RNF128: variants seen among roughly 807,000 people sequenced by gnomAD.
RNF128 encodes ring finger protein 128.
RNF128 carries 13 observed loss-of-function variants against 26.2 expected under a neutral mutation model. The observed-to-expected ratio is 0.50, with a 90% confidence interval of 0.32 to 0.79. The LOEUF is 0.79. RNF128 is among the 30% of genes least tolerant of loss of function. The probability of loss-of-function intolerance (pLI) is 0.03; values close to 1 mark genes in which losing one functional copy is unlikely to be tolerated. For missense variants in RNF128, 315 were observed against 349.7 expected, an observed-to-expected ratio of 0.90 and a Z score of 0.79; for synonymous variants, 149 against 142.5, an observed-to-expected ratio of 1.05 and a Z score of -0.32.
intron 1 of RNF128, among the ~76,000 whole-genome samples, chrX:106,715,895 A>G (rs1929208294): frequency 9.0e-6 from 1 of 111,412 alleles, no homozygotes. Context: ...GATTGAATAA[A>G]AAGCCTACAA....
chrX:106,773,714 T>C (rs1035787476), intron 2 of RNF128, among the ~76,000 whole-genome samples: 2 of 111,132 alleles, frequency 1.8e-5, no homozygotes, highest in Non-Finnish European at 3.8e-5. Context: ...TATTAATAGT[T>C]TCTACCATAT....
rs764696954 is a variant in RNF128, at chrX:106,709,558, T to A, written c.406+15150T>A. 2.7e-5 allele frequency among the ~76,000 whole-genome samples: 3 copies of A among 111,159 alleles called. No individual in the cohort carries two copies. The Admixed American group carries it at 2.9e-4, about 11-fold the overall frequency. ...TTTTTAACTGTTATAACTTCTTTTT[T>A]TTTTTTAGATGGAGTTTCGCTCTTG... On this transcript the variant is annotated intron_variant, in intron 1 of 6. Transcript: ENST00000324342.
chrX:106,741,135 A>G (rs1047738026), intron 1 of RNF128, among the ~76,000 whole-genome samples: 4 of 112,200 alleles, frequency 3.6e-5, no homozygotes, highest in African/African-American at 1.3e-4. Context: ...ATATAATTAC[A>G]GAATACCCTA....
intron 3 of RNF128, among the ~76,000 whole-genome samples, chrX:106,786,815 AT>A (rs1322776014): frequency 3.6e-5 from 4 of 111,536 alleles, no homozygotes; most frequent in Admixed American, 9.6e-5. Flanking sequence ...CACCAAAAAA[AT>A]ATATATATGA....
In RNF128 at chrX:106,788,368, A is replaced by G. The variant is rs1280602529; in HGVS notation, c.887+368A>G. ...ATATATATTATATACTATATATAAT[A>G]TATATTATATATTATATATAATATA... On this transcript the variant is annotated intron_variant, in intron 4 of 6. Transcript: ENST00000255499. Among the ~76,000 whole-genome samples the G allele has an allele frequency of 1.7e-4, 8 of 45,804 alleles. No individual in the cohort carries two copies. The South Asian group carries it at 8.5e-3, about 49-fold the overall frequency. The allele number at this position is 45,804 out of a possible 115,157, so 39.8% of individuals were successfully genotyped here. A position where few individuals can be genotyped will look rare whatever the true frequency, so the allele number is the denominator to read the frequency against.
rs867978331 is a variant in RNF128 at position 106,740,848 on chromosome X, C to T, written c.484+13451C>T. ...TGTTTGCTCCTTTTTTTAAACTGCCCGACAAATAATCTAATTATTTTTAAC... is the reference window on the plus strand; with the variant it reads ...TGTTTGCTCCTTTTTTTAAACTGCCTGACAAATAATCTAATTATTTTTAAC... On this transcript the variant is annotated intron_variant, in intron 1 of 6. Coordinates refer to ENST00000255499, the MANE Select transcript of RNF128 (RefSeq NM_194463.2). 5.9e-4 allele frequency among the ~76,000 whole-genome samples: 66 copies of T among 111,221 alleles called. 1 individual carries two copies. The highest frequency in any genetic ancestry group is 1.7e-3 in the African/African-American group (53 of 30,667).
At chrX:106,756,165 G>A (rs1363181752) in intron 1 of RNF128, among the ~76,000 whole-genome samples, 2 of 111,424 alleles carry the variant, frequency 1.8e-5, no homozygotes, top group Non-Finnish European at 3.8e-5. Context: ...TACTGCCCAA[G>A]GTAATTTACA....
intron 1 of RNF128, among the ~76,000 whole-genome samples, chrX:106,696,442 CA>C (rs1040383101): frequency 1.8e-4 from 20 of 110,919 alleles, no homozygotes; most frequent in African/African-American, 6.2e-4. Flanking sequence ...ACTAGATGAC[CA>C]GACACTAGAT....
chrX:106,766,619 T>A (rs1602384774), intron 1 of RNF128, among the ~76,000 whole-genome samples: 2 of 112,326 alleles, frequency 1.8e-5, no homozygotes, highest in Middle Eastern at 9.1e-3. Context: ...TATTAGCCCT[T>A]TGTCAGATGG....
intron 1 of RNF128, among the ~76,000 whole-genome samples, chrX:106,748,755 G>A (rs576434545): frequency 4.9e-4 from 54 of 111,188 alleles, no homozygotes; most frequent in African/African-American, 1.7e-3. Flanking sequence ...GGTGGTTATC[G>A]GAGGCCAGGA....
upstream of RNF128, among the ~76,000 whole-genome samples, chrX:106,723,582 A>G (rs186486945): frequency 2.6e-4 from 29 of 110,570 alleles, no homozygotes; most frequent in Non-Finnish European, 1.5e-4. Flanking sequence ...ATATATATAT[A>G]TATGTATGTA....
chrX:106,785,460 G>C (rs1390925053), intron 3 of RNF128, among the ~76,000 whole-genome samples: 2 of 111,566 alleles, frequency 1.8e-5, no homozygotes, highest in African/African-American at 6.5e-5. Flanking sequence ...AAGAGGGAGA[G>C]AGAGGGAGAT....
At chrX:106,792,769 T>TA (rs755160358) in intron 6 of RNF128, among the ~76,000 whole-genome samples, 1 of 111,550 alleles carries the variant, frequency 9.0e-6, no homozygotes, top group Non-Finnish European at 1.9e-5. Flanking sequence ...TCATTGCACT[T>TA]ACTACACTGA....
chrX:106,792,383 A>G (rs1338900034), intron 6 of RNF128, among the ~76,000 whole-genome samples: 7 of 109,065 alleles, frequency 6.4e-5, no homozygotes, highest in African/African-American at 1.3e-4. Context: ...GGGGTGGGGG[A>G]AAAAGGTAAG....
chrX:106,744,203 A>T (rs1472595667), intron 1 of RNF128, among the ~76,000 whole-genome samples: 2 of 111,548 alleles, frequency 1.8e-5, no homozygotes, highest in African/African-American at 6.5e-5. Context: ...TACATATGTA[A>T]CAAACCTGCA....
intron 1 of RNF128, among the ~76,000 whole-genome samples, chrX:106,768,109 C>T (rs950422507): frequency 2.5e-4 from 28 of 111,759 alleles, no homozygotes; most frequent in African/African-American, 7.5e-4. Context: ...CTGCTGGATT[C>T]GGCTTGCCAG....
intron 1 of RNF128, among the ~76,000 whole-genome samples, chrX:106,741,069 C>A (rs1929693724): frequency 9.0e-6 from 1 of 111,264 alleles, no homozygotes. Context: ...TTCTAGAAAC[C>A]TTACCACCCC....
chrX:106,789,871 T>C (rs1343941146), intron 4 of RNF128, among the ~76,000 whole-genome samples: 1 of 110,079 alleles, frequency 9.1e-6, no homozygotes, highest in African/African-American at 3.3e-5. Context: ...ATTTATCAGT[T>C]AGGGAATTCT....
intron 1 of RNF128, among the ~76,000 whole-genome samples, chrX:106,707,441 A>G (rs143973837): frequency 2.7e-3 from 308 of 112,080 alleles, no homozygotes; most frequent in African/African-American, 9.6e-3. Context: ...TATATCATCC[A>G]GTCAATTACC....
Sources: gnomAD v4.1 joint callset for allele counts (sites outside exome capture counted in the v4.1 genomes callset) on GRCh38, gnomAD v4.1.1 for gene constraint, MANE v1.5 for transcripts, NCBI Gene and HGNC (gene_info 2026-07-23, HGNC 2026-07-21) for gene names.